The following CLUH variants were observed in gnomAD, a reference collection of about 807,000 sequenced individuals.
CLUH encodes the protein clustered mitochondria protein homolog.
Under a neutral mutation model 139.3 loss-of-function variants are expected in CLUH, and 77 were observed. The ratio of observed to expected loss-of-function variants is 0.55; its 90% CI spans 0.46 to 0.67. The LOEUF (loss-of-function observed/expected upper bound fraction) is 0.67, where lower values mean the gene tolerates loss of function less well. CLUH is among the 30% of genes least tolerant of loss of function. CLUH has a pLI of 0.00. For missense variants in CLUH, 1,876 were observed against 1,875.8 expected (o/e 1.00, Z 0.00); for synonymous variants, 999 against 801.6 (o/e 1.25, Z -4.16).
chr17:2,704,298 C>G lies in CLUH; in HGVS notation c.303+64G>C. 1 of 1,533,070 alleles carries G rather than the reference C, an allele frequency of 6.5e-7. No homozygotes were observed. The highest frequency in any genetic ancestry group is 8.9e-7 in the Non-Finnish European group (1 of 1,129,672). The allele number at this position is 1,533,070 out of a possible 1,614,324, so 95.0% of individuals were successfully genotyped here. On this transcript the variant is annotated intron_variant, in intron 2 of 25. Transcript: ENST00000651024. The surrounding 1 kb of genome is among the most constrained non-coding windows in gnomAD (Gnocchi z 5.7). Reference sequence around the variant, plus strand: ...CGGTAGGAGCACGAGCAAGGCTGAGCTTTCCAGCTCACCCTCCCCAGCAGG... The same window carrying G: ...CGGTAGGAGCACGAGCAAGGCTGAGGTTTCCAGCTCACCCTCCCCAGCAGG...
chr17:2,710,815 C>G (rs1372563164), intron 1 of CLUH, among the ~76,000 whole-genome samples: 1 of 152,196 alleles, frequency 6.6e-6, no homozygotes, highest in Non-Finnish European at 1.5e-5. Context: ...TTAAAAACAG[C>G]AACTCTGGTC....
rs2069883991 is a variant in CLUH, at chr17:2,695,095, C to T, written c.2614G>A (p.Glu872Lys). Residue 872 changes from glutamate (E) to lysine (K), a missense_variant, in exon 16 of 26, where the codon GAG (glutamate) becomes AAG (lysine). This residue lies in a region of CLUH where 1,454 missense variants were observed against 1,384.4 expected (regional missense o/e 1.05). Transcript: ENST00000651024. ...HIFKTYLQGV[E>K]LSGLSAAISH... ...ATGGCGGCTGAGAGGCCGGAGAGCT[C>T]GACTCCCTGCGAGGCAGGTTGGATC... The T allele has an allele frequency of 1.2e-6, 2 of 1,611,724 alleles. No individual in the cohort carries two copies. Among genetic ancestry groups the T allele is most frequent in the Non-Finnish European group, 1.7e-6 (2 of 1,178,818 alleles).
Position 2,701,775 on chromosome 17 carries a change from C to G in CLUH, c.620-38G>C, listed in dbSNP as rs1358438819. On this transcript the variant is annotated intron_variant, in intron 4 of 25. Transcript: ENST00000651024. ...AGGCTGGTGGTCAGCACAGGGCCAC[C>G]CAGGGCCAGCTGTCTCCCTACCTCC... 7 of 1,555,992 alleles carry G rather than the reference C, an allele frequency of 4.5e-6. No individual in the cohort carries two copies. The African/African-American group carries it at 8.1e-5, about 18-fold the overall frequency.
Position 2,694,888 on chromosome 17 carries a change from C to A in CLUH, c.2821G>T (p.Ala941Ser). 6.8e-7 allele frequency: 1 copy of A among 1,472,420 alleles called. No individual in the cohort carries two copies. Among genetic ancestry groups the A allele is most frequent in the Non-Finnish European group, 9.1e-7 (1 of 1,096,750 alleles). 91.2% of individuals were successfully genotyped at this position (1,472,420 alleles called of 1,614,324 possible). ...QELWKNICQE[A>S]KNYFDFDLEC... ...AGGTCGAAGTCAAAGTAGTTCTTGG[C>A]CTCCTGGCAGATGTTCTTCCAGAGC... Residue 941 changes from alanine (A) to serine (S), a missense_variant, in exon 16 of 26, where the codon GCC becomes TCC. By Grantham distance (99) the Ala-to-Ser change is moderately conservative. Coordinates refer to ENST00000651024, the MANE Select transcript of CLUH (RefSeq NM_001366661.1).
In CLUH at chr17:2,696,942, C is replaced by A. The variant is rs1302237075; in HGVS notation, c.1962G>T (p.Arg654Ser). Residue 654 changes from arginine (R) to serine (S), a missense_variant and splice_region_variant, in exon 11 of 26, where the codon AGG (arginine) becomes AGT (serine). This residue lies in a region of CLUH where 1,454 missense variants were observed against 1,384.4 expected (regional missense o/e 1.05). Transcript: ENST00000651024. ...CGGCCAGCTTCATAAAGAGGAGGTACCTGGAGCAGAGGAAACAGGGCAGAG... is the reference window on the plus strand; with the variant it reads ...CGGCCAGCTTCATAAAGAGGAGGTAACTGGAGCAGAGGAAACAGGGCAGAG... ...QELVDAFVEHRYLLFMKLAAL... is the reference protein window; with the variant it reads ...QELVDAFVEHSYLLFMKLAAL... 2 of 1,571,670 alleles carry A rather than the reference C, an allele frequency of 1.3e-6. No individual in the cohort carries two copies. Among genetic ancestry groups the A allele is most frequent in the Non-Finnish European group, 1.7e-6 (2 of 1,159,266 alleles).
At position 2,694,021 on chromosome 17, in the gene CLUH, C is replaced by T. The variant is rs1324122612; in HGVS notation, c.3110G>A (p.Cys1037Tyr). The change falls in exon 19 of 26, where the codon TGT becomes TAT. Residue 1037 changes from cysteine to tyrosine, a missense_variant. Physicochemically the swap from Cys to Tyr is radical, Grantham distance 194 (BLOSUM62 -2). Around this residue, in one of 3 missense-constraint regions of CLUH, gnomAD observed 1,454 missense variants for 1,384.4 expected, o/e 1.05. Coordinates refer to ENST00000651024, the MANE Select transcript of CLUH (RefSeq NM_001366661.1). The part of the protein sequence containing the change: ...KVQQGFLKEG[C>Y]ELINEALNLF... ...GTTCAGGGCCTCATTGATGAGCTCACAGCCCTCCTTCAGGAAGCCTGCAGG... is the reference window on the plus strand; with the variant it reads ...GTTCAGGGCCTCATTGATGAGCTCATAGCCCTCCTTCAGGAAGCCTGCAGG... 6.2e-7 allele frequency: 1 copy of T among 1,613,982 alleles called. No homozygotes were observed. Among genetic ancestry groups the T allele is most frequent in the Non-Finnish European group, 8.5e-7 (1 of 1,179,860 alleles).
In CLUH at chr17:2,692,471, C is replaced by A. The variant is rs1391661631; in HGVS notation, c.3450G>T (p.Gly1150=). ...PEMALLDNNI[G]LVLHGVMEYD... is the part of the protein sequence containing the mutation. ...ACTCCATCACCCCGTGCAGCACCAG[C>A]CCGATGTTGTTCTGGGGGCAGGCGG... Residue 1150 remains glycine (G), a synonymous_variant, in exon 22 of 26, where the codon GGG becomes GGT. Coordinates refer to ENST00000651024, the MANE Select transcript of CLUH (RefSeq NM_001366661.1). 2 of 1,598,724 alleles carry A rather than the reference C, an allele frequency of 1.3e-6. No individual in the cohort carries two copies. The highest frequency in any genetic ancestry group is 1.3e-5 in the African/African-American group (1 of 74,826).
intron 9 of CLUH, 67 bp from the exon 10 acceptor site, chr17:2,698,657 G>C (rs1240331152): frequency 7.0e-7 from 1 of 1,430,182 alleles, no homozygotes; most frequent in African/African-American, 1.4e-5. Context: ...ACCTGGCCAA[G>C]CGCACGCACC....
rs1477457329 is a variant in CLUH, at chr17:2,694,547, G to A, written c.2870C>T (p.Ala957Val). 4 of 1,579,616 alleles carry A rather than the reference G, an allele frequency of 2.5e-6. No individual in the cohort carries two copies. In the East Asian group the frequency reaches 9.3e-5, roughly 37 times the overall value. ...FDLECETVDQ[A>V]VETYGLQKIT... is the part of the protein sequence containing the mutation. The stretch of plus-strand genomic sequence containing the variant: ...CTTCTGCAGGCCGTAGGTCTCCACA[G>A]CCTGGTCCACGGTCTCACTGAGGAG... Residue 957 changes from alanine (A) to valine (V), a missense_variant, in exon 17 of 26, where the codon GCT (alanine) becomes GTT (valine). Around this residue, in one of 3 missense-constraint regions of CLUH, gnomAD observed 1,454 missense variants for 1,384.4 expected, o/e 1.05. Transcript: ENST00000651024.
At position 2,694,217 on chromosome 17, in the gene CLUH, GTCC is replaced by G; in HGVS notation, c.2994_2996del (p.Glu998del). 6.2e-7 allele frequency: 1 copy of G among 1,613,124 alleles called. No individual in the cohort carries two copies. The highest frequency in any genetic ancestry group is 1.3e-5 in the African/African-American group (1 of 75,030). On this transcript the variant is annotated inframe_deletion, in exon 18 of 26. Coordinates refer to ENST00000651024, the MANE Select transcript of CLUH (RefSeq NM_001366661.1). Reference sequence around the variant, plus strand: ...TGACCACGGGGAAGATGTTGAGCACGTCCTCCTCGGTGAACGCGGGCTTGTGGC... The same window carrying G: ...TGACCACGGGGAAGATGTTGAGCACGTCCTCGGTGAACGCGGGCTTGTGGC...
chr17:2,700,830 G>A lies in CLUH; in HGVS notation c.1026-5C>T. ...TCGAACGGGTGGCGCTGGACCCTGT[G>A]GCAGGCAGGGGAGGGGGAGATGGGG... On this transcript the variant is annotated splice_region_variant and splice_polypyrimidine_tract_variant and intron_variant, in intron 7 of 25. Transcript: ENST00000651024. The A allele has an allele frequency of 6.6e-7, 1 of 1,512,858 alleles. No homozygotes were observed. The highest frequency in any genetic ancestry group is 8.8e-7 in the Non-Finnish European group (1 of 1,137,512). The allele number at this position is 1,512,858 out of a possible 1,614,324, so 93.7% of individuals were successfully genotyped here.
In CLUH at chr17:2,693,907, T is replaced by C. The variant is rs761973954; in HGVS notation, c.3224A>G (p.Tyr1075Cys). ...LARLHYIMGD[Y>C]AEALSNQQKA... is the part of the protein sequence containing the mutation. ...CCACAGCCCAGAGGGTACCTCTGCG[T>C]AGTCGCCCATGATGTAGTGGAGGCG... The change falls in exon 19 of 26, where the codon TAC (tyrosine) becomes TGC (cysteine). Residue 1075 changes from tyrosine to cysteine, a missense_variant. This residue lies in a region of CLUH where 1,454 missense variants were observed against 1,384.4 expected (regional missense o/e 1.05). Transcript: ENST00000651024. The C allele has an allele frequency of 2.5e-6, 4 of 1,611,814 alleles. No homozygotes were observed. The East Asian group carries it at 6.7e-5, about 27-fold the overall frequency.
chr17:2,694,624 C>A, intron 16 of CLUH, 60 bp from the exon 17 acceptor site: 1 of 1,467,002 alleles, frequency 6.8e-7, no homozygotes, highest in Non-Finnish European at 9.3e-7. Flanking sequence ...CCAACACCGC[C>A]CCACCCAGCT....
At chr17:2,697,340 G>A (rs994766012) in intron 10 of CLUH, among the ~76,000 whole-genome samples, 17 of 151,908 alleles carry the variant, frequency 1.1e-4, no homozygotes, top group African/African-American at 3.1e-4. Flanking sequence ...CAGAGGTTGC[G>A]GTGAGCCGGG....
Position 2,706,982 on chromosome 17 carries a change from C to T in CLUH, c.101-2418G>A, listed in dbSNP as rs1041073033. On this transcript the variant is annotated intron_variant, in intron 1 of 25. Coordinates refer to ENST00000651024, the MANE Select transcript of CLUH (RefSeq NM_001366661.1). The surrounding 1 kb of genome is among the most constrained non-coding windows in gnomAD (Gnocchi z 4.6). ...TTCCCCAGCCCAGGGAGACGACCCT[C>T]AGGGGGTACCTATTCCCTATCCCGT... Among the ~76,000 whole-genome samples, 2 of 152,210 alleles carry T rather than the reference C, an allele frequency of 1.3e-5. No individual in the cohort carries two copies. Among genetic ancestry groups the T allele is most frequent in the African/African-American group, 4.8e-5 (2 of 41,448 alleles).
At position 2,695,277 on chromosome 17, in the gene CLUH, T is replaced by G; in HGVS notation, c.2548A>C (p.Ile850Leu). ...CGGGTGATGAGTTCTCCAATGCCGA[T>G]TTTCTGGAAGGATTCAGAAGGGAGG... ...ARHQLDHVFKIGIGELITRSA... is the reference protein window; with the variant it reads ...ARHQLDHVFKLGIGELITRSA... The change falls in exon 15 of 26, where the codon ATC becomes CTC. Residue 850 changes from isoleucine to leucine, a missense_variant. By Grantham distance (5) the Ile-to-Leu change is conservative. Around this residue, in one of 3 missense-constraint regions of CLUH, gnomAD observed 1,454 missense variants for 1,384.4 expected, o/e 1.05. Coordinates refer to ENST00000651024, the MANE Select transcript of CLUH (RefSeq NM_001366661.1). 1 of 1,613,816 alleles carries G rather than the reference T, an allele frequency of 6.2e-7. No individual in the cohort carries two copies. The highest frequency in any genetic ancestry group is 8.5e-7 in the Non-Finnish European group (1 of 1,179,834).
Position 2,703,459 on chromosome 17 carries a change from G to T in CLUH, c.334C>A (p.His112Asn), listed in dbSNP as rs2070249460. Residue 112 changes from histidine to asparagine, a missense_variant, in exon 3 of 26, where the codon CAC becomes AAC. Physicochemically the swap from His to Asn is moderately conservative, Grantham distance 68 (BLOSUM62 1). Coordinates refer to ENST00000651024, the MANE Select transcript of CLUH (RefSeq NM_001366661.1). The surrounding 1 kb of genome is among the most constrained non-coding windows in gnomAD (Gnocchi z 4.2). Reference sequence around the variant, plus strand: ...TCCTCCCGGTCCATGAGCACCTGGTGAATCTCCTGCACCATCTCCTGGGGG... The same window carrying T: ...TCCTCCCGGTCCATGAGCACCTGGTTAATCTCCTGCACCATCTCCTGGGGG... ...VSPQEMVQEIHQVLMDREDTC... is the reference protein window; with the variant it reads ...VSPQEMVQEINQVLMDREDTC... The T allele has an allele frequency of 2.5e-6, 4 of 1,613,704 alleles. No homozygotes were observed. The highest frequency in any genetic ancestry group is 2.5e-6 in the Non-Finnish European group (3 of 1,179,878).
At position 2,701,235 on chromosome 17, in the gene CLUH, G is replaced by A. The variant is rs535954772; in HGVS notation, c.930C>T (p.Pro310=). Residue 310 remains proline, a synonymous_variant, in exon 7 of 26, where the codon CCC becomes CCT. Coordinates refer to ENST00000651024, the MANE Select transcript of CLUH (RefSeq NM_001366661.1). ...AATGGCTTAGGAAGCGGGGGCTGGC[G>A]GGCTTGGGGTTGAAGTGATAAGCTG... The part of the protein sequence containing the change: ...QSTAYHFNPK[P]ASPRFLSHSL... The A allele has an allele frequency of 3.9e-5, 63 of 1,613,542 alleles. No individual in the cohort carries two copies. The East Asian group carries it at 1.2e-3, about 30-fold the overall frequency.
Position 2,695,200 on chromosome 17 carries a change from A to G in CLUH, c.2607+18T>C. The G allele has an allele frequency of 6.2e-7, 1 of 1,613,840 alleles. No homozygotes were observed. Among genetic ancestry groups the G allele is most frequent in the Non-Finnish European group, 8.5e-7 (1 of 1,179,842 alleles). ...ACCCTGGGAGGCCATGGCCAGCCGC[A>G]GAGCGGACGGGTGGCACCTGTAAGT... On this transcript the variant is annotated intron_variant, in intron 15 of 25. Transcript: ENST00000651024.
Sources: allele counts gnomAD v4.1 joint callset (sites outside exome capture counted in the v4.1 genomes callset), GRCh38; gene constraint gnomAD v4.1.1; regional missense constraint gnomAD v4.1.1; non-coding constraint Gnocchi (gnomAD v3.1); transcripts MANE v1.5; gene names NCBI Gene and HGNC (gene_info 2026-07-23, HGNC 2026-07-21).